Variants in SMYD3 observed in about 807,000 individuals in gnomAD.
The protein encoded by SMYD3 is histone-lysine N-methyltransferase SMYD3.
A neutral mutation model predicts 57.7 loss-of-function variants in SMYD3; 36 were observed. The ratio of observed to expected loss-of-function variants is 0.62; its 90% confidence interval spans 0.48 to 0.82. The LOEUF (loss-of-function observed/expected upper bound fraction) is 0.82. Ranked by LOEUF, SMYD3 falls within the 40% of genes least tolerant of loss-of-function variation. SMYD3 has a pLI of 0.00. For missense variants in SMYD3, 515 were observed against 538.8 expected (o/e 0.96, Z 0.44); for synonymous variants, 211 against 195.0 (o/e 1.08, Z -0.68).
chr1:245,781,775 T>C (rs185630635), intron 10 of SMYD3, among the ~76,000 whole-genome samples: 43 of 152,032 alleles, frequency 2.8e-4, no homozygotes, highest in African/African-American at 1.0e-3. Flanking sequence ...GTGGAGACAA[T>C]CCTGGCTAAT....
intron 1 of SMYD3, among the ~76,000 whole-genome samples, chr1:246,477,042 A>G (rs2068038514): frequency 6.6e-6 from 1 of 152,228 alleles, no homozygotes; most frequent in East Asian, 1.9e-4. Context: ...TTCAGACCTG[A>G]CATTTAAAGA....
intron 5 of SMYD3, among the ~76,000 whole-genome samples, chr1:246,107,274 A>G (rs1158049827): frequency 1.3e-5 from 2 of 152,026 alleles, no homozygotes; most frequent in African/African-American, 2.4e-5. Flanking sequence ...GTGACAGAGC[A>G]AGATTCCATC....
intron 5 of SMYD3, among the ~76,000 whole-genome samples, chr1:246,061,414 A>C (rs1381374197): frequency 2.0e-5 from 3 of 151,996 alleles, no homozygotes; most frequent in Non-Finnish European, 4.4e-5. Flanking sequence ...CAAGTCCAAT[A>C]AAATGGTAAA....
intron 1 of SMYD3, among the ~76,000 whole-genome samples, chr1:246,423,304 A>AG (rs1018647173): frequency 2.6e-5 from 4 of 151,746 alleles, no homozygotes; most frequent in Non-Finnish European, 5.9e-5. Context: ...CTCAAAAAAA[A>AG]AAAAAGAAAA....
intron 5 of SMYD3, among the ~76,000 whole-genome samples, chr1:245,931,430 C>T (rs756182920): frequency 1.3e-5 from 2 of 152,116 alleles, no homozygotes; most frequent in Non-Finnish European, 2.9e-5. Context: ...AGTGGAAGAT[C>T]ATAGCTACCA....
rs577291152 is a variant in SMYD3, at chr1:245,834,460, C to T, written c.1076+24036G>A. Among the ~76,000 whole-genome samples the T allele has an allele frequency of 9.0e-4, 137 of 152,316 alleles. 1 individual carries two copies. The highest frequency in any genetic ancestry group is 3.2e-3 in the African/African-American group (133 of 41,564). On this transcript the variant is annotated intron_variant, in intron 10 of 11. Transcript: ENST00000490107. The stretch of plus-strand genomic sequence containing the variant: ...GGACCACTGTGAATGAGGATGGGCT[C>T]ACCCCAGCCCCCTACTAACCTTTGC...
chr1:245,898,553 G>A (rs1220204442), intron 8 of SMYD3, among the ~76,000 whole-genome samples: 7 of 152,222 alleles, frequency 4.6e-5, no homozygotes, highest in Non-Finnish European at 1.5e-5. Context: ...GTAACAACAT[G>A]AGAATAGTGG....
chr1:246,246,276 G>T (rs2063702384), intron 5 of SMYD3, among the ~76,000 whole-genome samples: 1 of 152,124 alleles, frequency 6.6e-6, no homozygotes, highest in South Asian at 2.1e-4. Flanking sequence ...CTTACGGTAT[G>T]ATCCTTGATC....
intron 5 of SMYD3, among the ~76,000 whole-genome samples, chr1:246,072,339 C>CTTT (rs1558202356): frequency 1.2e-5 from 1 of 86,582 alleles, no homozygotes; most frequent in African/African-American, 4.3e-5. Context: ...TGCTCACTGT[C>CTTT]GCTGCATCGT....
chr1:245,972,769 G>A (rs879313996), intron 5 of SMYD3, among the ~76,000 whole-genome samples: 11 of 152,210 alleles, frequency 7.2e-5, no homozygotes, highest in Non-Finnish European at 1.2e-4. Flanking sequence ...CCTGAGGGGC[G>A]GTGGAGCAAC....
chr1:245,936,894 A>G (rs2057008469), intron 5 of SMYD3, among the ~76,000 whole-genome samples: 1 of 152,246 alleles, frequency 6.6e-6, no homozygotes, highest in Non-Finnish European at 1.5e-5. Context: ...TACAAAACTA[A>G]TTTACAGCAG....
intron 5 of SMYD3, among the ~76,000 whole-genome samples, chr1:246,229,213 G>A (rs1467301067): frequency 2.0e-5 from 3 of 151,756 alleles, no homozygotes; most frequent in South Asian, 2.1e-4. Flanking sequence ...CTACATTACC[G>A]TTCTCTTGAG....
intron 5 of SMYD3, among the ~76,000 whole-genome samples, chr1:246,311,627 C>T (rs113175348): frequency 1.6e-3 from 238 of 152,340 alleles, no homozygotes; most frequent in South Asian, 0.012. Flanking sequence ...CACACGCACA[C>T]GCACACGCGT....
chr1:246,200,218 C>A (rs373920936), intron 5 of SMYD3, among the ~76,000 whole-genome samples: 51 of 2,876 alleles, frequency 0.018, 3 homozygotes, highest in South Asian at 0.04. Context: ...AGTGTAGACG[C>A]TGAGCAAGAA....
chr1:245,833,073 A>AAAAAAAAAAAAAAAAAACAAAC, intron 10 of SMYD3, among the ~76,000 whole-genome samples: 1 of 128,652 alleles, frequency 7.8e-6, no homozygotes, highest in East Asian at 3.4e-4. Flanking sequence ...AAAAAAAAAA[A>AAAAAAAAAAAAAAAAAACAAAC]AACCTGCTTT....
intron 5 of SMYD3, among the ~76,000 whole-genome samples, chr1:246,098,709 C>T (rs2060957885): frequency 6.6e-6 from 1 of 152,106 alleles, no homozygotes; most frequent in Admixed American, 6.6e-5. Flanking sequence ...AAGTCAGCTT[C>T]CCTTGTCCTA....
intron 5 of SMYD3, among the ~76,000 whole-genome samples, chr1:246,063,225 C>A (rs577473733): frequency 6.6e-6 from 1 of 152,254 alleles, no homozygotes; most frequent in East Asian, 1.9e-4. Context: ...GGGCCTTCCC[C>A]CAGGGAGTCA....
chr1:246,199,660 T>G (rs10737787), intron 5 of SMYD3, among the ~76,000 whole-genome samples: 1 of 152,044 alleles, frequency 6.6e-6, no homozygotes, highest in Non-Finnish European at 1.5e-5. Flanking sequence ...GCACACCTGA[T>G]TCGCTGGCTT....
intron 5 of SMYD3, among the ~76,000 whole-genome samples, chr1:246,272,569 TATATG>T (rs1344450898): frequency 2.6e-5 from 4 of 152,216 alleles, no homozygotes; most frequent in African/African-American, 9.7e-5. Context: ...ACAATCTGTT[TATATG>T]ATATATTACA....
Sources: allele counts gnomAD v4.1 joint callset (sites outside exome capture counted in the v4.1 genomes callset), GRCh38; gene constraint gnomAD v4.1.1; transcripts MANE v1.5; gene names NCBI Gene and HGNC (gene_info 2026-07-23, HGNC 2026-07-21).